Variants in GLIS3 observed in about 807,000 individuals in gnomAD.
GLIS3 encodes GLIS family zinc finger 3.
Under a neutral mutation model 78.6 loss-of-function variants are expected in GLIS3, and 53 were observed. That is an observed-to-expected ratio of 0.67 (90% confidence interval 0.54 to 0.85). The LOEUF (loss-of-function observed/expected upper bound fraction) is 0.85. Among genes scored for constraint, GLIS3 ranks in the 40% least tolerant of loss-of-function variants. GLIS3 has a pLI of 0.00. For synonymous variants in GLIS3, 684 were observed against 509.9 expected (o/e 1.34, Z -4.60); for missense variants, 1,703 against 1,231.1 (o/e 1.38, Z -5.74).
At chr9:4,423,895 T>C in the GLIS3 span, among the ~76,000 whole-genome samples, 1 of 152,166 alleles carries the variant, frequency 6.6e-6, no homozygotes, top group East Asian at 1.9e-4. Context: ...TAAACTTTAA[T>C]CTGTAGTGAG....
At chr9:3,835,021 C>T (rs1055310602) in intron 9 of GLIS3, among the ~76,000 whole-genome samples, 5 of 152,318 alleles carry the variant, frequency 3.3e-5, no homozygotes, top group East Asian at 3.9e-4. Flanking sequence ...AGTGTCAACA[C>T]AGAAGGCTCT....
chr9:4,377,555 A>G, the GLIS3 span, among the ~76,000 whole-genome samples: 70,518 of 136,130 alleles, frequency 0.52, 28,456 homozygotes, highest in Admixed American at 0.7. Context: ...TTTCATATAT[A>G]CATATATCCT....
upstream of GLIS3, among the ~76,000 whole-genome samples, chr9:4,304,939 A>G (rs547651678): frequency 6.6e-6 from 1 of 152,322 alleles, no homozygotes; most frequent in East Asian, 1.9e-4. Context: ...TTGTCCATGG[A>G]ACAAATGACC....
At chr9:4,409,672 T>G in the GLIS3 span, among the ~76,000 whole-genome samples, 23 of 152,152 alleles carry the variant, frequency 1.5e-4, no homozygotes, top group Admixed American at 6.5e-4. Flanking sequence ...TAGATGCAAA[T>G]AGTCATTTGG....
At chr9:4,329,209 A>G (rs3895473) in intron 2 of GLIS3, among the ~76,000 whole-genome samples, 35,118 of 151,968 alleles carry the variant, frequency 0.23, 4,304 homozygotes, top group South Asian at 0.37. Context: ...GCCCATTCCC[A>G]CGATAATGTT....
At chr9:3,908,452 T>C (rs564744675) in intron 6 of GLIS3, among the ~76,000 whole-genome samples, 1 of 152,324 alleles carries the variant, frequency 6.6e-6, no homozygotes, top group Non-Finnish European at 1.5e-5. Context: ...GATTCTGATC[T>C]TCAAGGAACT....
At chr9:4,246,742 T>C (rs1823840085) in intron 2 of GLIS3, among the ~76,000 whole-genome samples, 3 of 152,222 alleles carry the variant, frequency 2.0e-5, no homozygotes, top group African/African-American at 4.8e-5. Flanking sequence ...CAAAACTGCA[T>C]GTGGCCTGTT....
chr9:4,165,376 G>C (rs1220533790), intron 2 of GLIS3, among the ~76,000 whole-genome samples: 1 of 152,338 alleles, frequency 6.6e-6, no homozygotes, highest in African/African-American at 2.4e-5. Flanking sequence ...AGGAGGCGGA[G>C]GTTGCAGTGA....
chr9:4,027,132 A>C (rs926609964), intron 4 of GLIS3, among the ~76,000 whole-genome samples: 24 of 152,340 alleles, frequency 1.6e-4, no homozygotes, highest in African/African-American at 5.1e-4. Flanking sequence ...ACTGCAGTGT[A>C]ATCAGTTCCA....
chr9:4,223,200 C>T (rs1257338975), intron 2 of GLIS3, among the ~76,000 whole-genome samples: 1 of 152,202 alleles, frequency 6.6e-6, no homozygotes, highest in Non-Finnish European at 1.5e-5. Context: ...AACATCCGCA[C>T]TGCCTCTTCT....
At chr9:4,116,654 G>A (rs1177680248) in intron 4 of GLIS3, among the ~76,000 whole-genome samples, 3 of 152,152 alleles carry the variant, frequency 2.0e-5, no homozygotes, top group Non-Finnish European at 4.4e-5. Context: ...ACATAGTCCA[G>A]ATTCTTTTTC....
intron 4 of GLIS3, among the ~76,000 whole-genome samples, chr9:4,021,443 C>T (rs746588334): frequency 7.9e-5 from 12 of 152,130 alleles, no homozygotes; most frequent in Non-Finnish European, 1.3e-4. Flanking sequence ...CAGGTAGAGA[C>T]AAGATTGTAT....
intron 8 of GLIS3, among the ~76,000 whole-genome samples, chr9:3,871,112 A>G (rs974246785): frequency 6.6e-6 from 1 of 152,226 alleles, no homozygotes; most frequent in Admixed American, 6.5e-5. Flanking sequence ...CAAATCTTTA[A>G]GCTCCAAAAT....
intron 3 of GLIS3, among the ~76,000 whole-genome samples, 183 bp downstream of exon 3, chr9:4,125,551 A>G (rs777515485): frequency 6.6e-6 from 1 of 152,178 alleles, no homozygotes; most frequent in East Asian, 1.9e-4. Flanking sequence ...AATTAAGATG[A>G]TAAGATGGCA....
At chr9:3,991,905 C>T (rs7026166) in intron 4 of GLIS3, among the ~76,000 whole-genome samples, 33,849 of 151,672 alleles carry the variant, frequency 0.22, 5,237 homozygotes, top group African/African-American at 0.44. Flanking sequence ...TTGGCCAGGA[C>T]AGTCTTGATC....
intron 4 of GLIS3, among the ~76,000 whole-genome samples, chr9:4,050,916 C>T (rs1240351785): frequency 6.6e-6 from 1 of 152,176 alleles, no homozygotes; most frequent in Non-Finnish European, 1.5e-5. Flanking sequence ...TAGTCAGGGT[C>T]CTCACAGTTG....
rs1219424161 is a variant in GLIS3, at chr9:4,193,234, A to C, written c.389-67293T>G. Among the ~76,000 whole-genome samples the C allele has an allele frequency of 2.0e-5, 3 of 152,244 alleles. No homozygotes were observed. In the East Asian group the frequency reaches 5.8e-4, roughly 29 times the overall value. On this transcript the variant is annotated intron_variant, in intron 2 of 10. Coordinates refer to ENST00000381971, the MANE Select transcript of GLIS3 (RefSeq NM_001042413.2). ...TTCTTTACATTTTAAAACGGCTTTG[A>C]AAAATCAAAAGAAAAATCAAATTTT...
At chr9:4,036,952 A>C (rs1213389222) in intron 4 of GLIS3, among the ~76,000 whole-genome samples, 1 of 152,174 alleles carries the variant, frequency 6.6e-6, no homozygotes, top group Non-Finnish European at 1.5e-5. Context: ...AGTCCTATCG[A>C]AGTTACTACC....
chr9:4,215,854 A>C (rs528090908), intron 2 of GLIS3, among the ~76,000 whole-genome samples: 15 of 152,356 alleles, frequency 9.8e-5, no homozygotes, highest in African/African-American at 3.6e-4. Context: ...AAAGAAAGGC[A>C]CACTCAGTAG....
Sources: allele counts gnomAD v4.1 joint callset (sites outside exome capture counted in the v4.1 genomes callset), GRCh38; gene constraint gnomAD v4.1.1; transcripts MANE v1.5; gene names NCBI Gene and HGNC (gene_info 2026-07-23, HGNC 2026-07-21).